ARHGAP35: variants seen among roughly 807,000 people sequenced by gnomAD.
ARHGAP35 encodes the protein rho GTPase-activating protein 35.
Under a neutral mutation model 111.1 loss-of-function variants are expected in ARHGAP35, and 15 were observed. The observed-to-expected ratio is 0.13, with a 90% CI of 0.09 to 0.21. The LOEUF is 0.21. ARHGAP35 is among the 10% of genes least tolerant of loss of function. ARHGAP35 has a pLI of 1.00. For synonymous variants in ARHGAP35, 643 were observed against 710.3 expected (o/e 0.91, Z 1.51); for missense variants, 1,262 against 1,873.0 (o/e 0.67, Z 6.02).
At chr19:46,953,712 A>G (rs918437661) in intron 3 of ARHGAP35, among the ~76,000 whole-genome samples, 1 of 152,126 alleles carries the variant, frequency 6.6e-6, no homozygotes, top group Non-Finnish European at 1.5e-5. Context: ...TCATACTTGA[A>G]AGGGTAGAGT....
intron 3 of ARHGAP35, among the ~76,000 whole-genome samples, chr19:46,953,675 C>T (rs985942171): frequency 3.3e-5 from 5 of 152,158 alleles, no homozygotes; most frequent in African/African-American, 4.8e-5. Context: ...CCCATATTGC[C>T]GGCATGGGTT....
At chr19:46,925,470 G>A (rs964488639) in intron 2 of ARHGAP35, among the ~76,000 whole-genome samples, 3 of 152,120 alleles carry the variant, frequency 2.0e-5, no homozygotes, top group Non-Finnish European at 4.4e-5. Context: ...TGGAGGGAGG[G>A]GGCAGCTAGG....
rs2056766604 is a variant in ARHGAP35 at position 47,004,718 on chromosome 19, T to A, written c.*4030T>A. On this transcript the variant is annotated 3_prime_UTR_variant, in exon 7 of 7. Coordinates refer to ENST00000672722, the MANE Select transcript of ARHGAP35 (RefSeq NM_004491.5). ...AGTAGTCTGGCTGTGTGCCCAAAATTCTGTTTCGCAGCAAAAGTGAAGACC... is the reference window on the plus strand; with the variant it reads ...AGTAGTCTGGCTGTGTGCCCAAAATACTGTTTCGCAGCAAAAGTGAAGACC... The A allele has an allele frequency of 6.6e-6, 1 of 152,640 alleles. No homozygotes were observed. The allele number at this position is 152,640 out of a possible 1,614,324, so 9.5% of individuals were successfully genotyped here. A position where few individuals can be genotyped will look rare whatever the true frequency, so the allele number is the denominator to read the frequency against.
chr19:46,964,446 T>TG (rs1225099621), intron 3 of ARHGAP35, among the ~76,000 whole-genome samples: 2 of 150,116 alleles, frequency 1.3e-5, no homozygotes, highest in South Asian at 2.1e-4. Context: ...TTCGTAGAGA[T>TG]GGGGTCTCAC....
At chr19:46,970,505 AT>A (rs1438213211) in intron 3 of ARHGAP35, among the ~76,000 whole-genome samples, 3 of 152,148 alleles carry the variant, frequency 2.0e-5, no homozygotes, top group Non-Finnish European at 2.9e-5. Context: ...TACTGCGGAA[AT>A]TTTGTGTGTG....
chr19:46,983,532 A>G (rs2056632293), intron 3 of ARHGAP35, among the ~76,000 whole-genome samples: 1 of 148,588 alleles, frequency 6.7e-6, no homozygotes, highest in Non-Finnish European at 1.5e-5. Flanking sequence ...ATTCTGGTCT[A>G]TTTCAATGAA....
At chr19:46,907,396 C>A (rs927607161) in intron 1 of ARHGAP35, among the ~76,000 whole-genome samples, 2 of 151,830 alleles carry the variant, frequency 1.3e-5, no homozygotes, top group Admixed American at 6.6e-5. Context: ...GTGATCCGCC[C>A]GCCTCGGCCT....
intron 3 of ARHGAP35, among the ~76,000 whole-genome samples, chr19:46,944,242 T>C (rs1022704225): frequency 6.8e-6 from 1 of 145,998 alleles, no homozygotes; most frequent in Non-Finnish European, 1.5e-5. Flanking sequence ...GAGGTTACAG[T>C]AAGCTGAGAT....
chr19:46,899,782 G>A (rs1340416529), intron 1 of ARHGAP35, among the ~76,000 whole-genome samples: 1 of 152,038 alleles, frequency 6.6e-6, no homozygotes, highest in Non-Finnish European at 1.5e-5. Context: ...TTTGAGCTGG[G>A]ATAGACCAAT....
At chr19:46,862,692 C>G (rs74461049) in intron 1 of ARHGAP35, among the ~76,000 whole-genome samples, 1 of 152,182 alleles carries the variant, frequency 6.6e-6, no homozygotes, top group East Asian at 1.9e-4. Flanking sequence ...TTTTTAACTT[C>G]TGTATTGCCG....
intron 1 of ARHGAP35, among the ~76,000 whole-genome samples, chr19:46,891,155 A>G (rs2056021591): frequency 6.6e-6 from 1 of 152,206 alleles, no homozygotes; most frequent in Non-Finnish European, 1.5e-5. Flanking sequence ...GATGTACAAA[A>G]TGGGGATATA....
In ARHGAP35 at chr19:46,989,675, A is replaced by C. The variant is rs1366177062; in HGVS notation, c.4036A>C (p.Lys1346Gln). ...NMQIDLVEAH[K>Q]INDREQKLHA... ...GCAGATCGACTTGGTGGAAGCACAC[A>C]GTGAGTACCGGCAGCCCAGTGTTGG... The change falls in exon 5 of 7, where the codon AAA (lysine) becomes CAA (glutamine). Residue 1346 changes from lysine to glutamine, a missense_variant and splice_region_variant. Around this residue, in one of 8 missense-constraint regions of ARHGAP35, gnomAD observed 50 missense variants for 60.5 expected, o/e 0.83. Coordinates refer to ENST00000672722, the MANE Select transcript of ARHGAP35 (RefSeq NM_004491.5). The surrounding 1 kb of genome is among the most constrained non-coding windows in gnomAD (Gnocchi z 5.3). 3 of 1,613,766 alleles carry C rather than the reference A, an allele frequency of 1.9e-6. No homozygotes were observed. Among genetic ancestry groups the C allele is most frequent in the Non-Finnish European group, 2.5e-6 (3 of 1,179,828 alleles).
Position 46,937,244 on chromosome 19 carries a change from C to G in ARHGAP35, c.3682-20C>G. 6.2e-7 allele frequency: 1 copy of G among 1,612,934 alleles called. No homozygotes were observed. The highest frequency in any genetic ancestry group is 8.5e-7 in the Non-Finnish European group (1 of 1,179,404). ...GATACTCACTTTGTTTTTGTGCTTC[C>G]CTTTCTCTTTCCTGGACAGAAACCA... On this transcript the variant is annotated intron_variant, in intron 2 of 6. Coordinates refer to ENST00000672722, the MANE Select transcript of ARHGAP35 (RefSeq NM_004491.5).
intron 3 of ARHGAP35, among the ~76,000 whole-genome samples, chr19:46,951,608 A>G (rs975068619): frequency 6.6e-6 from 1 of 152,212 alleles, no homozygotes; most frequent in African/African-American, 2.4e-5. Flanking sequence ...ACTTTGAGTC[A>G]TGAGATGATT....
chr19:46,920,328 G>A lies in ARHGAP35; in HGVS notation c.1653G>A (p.Val551=), dbSNP rs953648635. 6.8e-6 allele frequency: 11 copies of A among 1,613,870 alleles called. No homozygotes were observed. In the Admixed American group the frequency reaches 8.3e-5, roughly 12 times the overall value. The part of the protein sequence containing the change: ...DALILKHIHF[V]YHPTKETCPS... ...TTATTCTGAAACACATTCATTTTGTGTACCACCCAACAAAGGAGACATGCC... is the reference window on the plus strand; with the variant it reads ...TTATTCTGAAACACATTCATTTTGTATACCACCCAACAAAGGAGACATGCC... Residue 551 remains valine, a synonymous_variant, in exon 2 of 7, where the codon GTG becomes GTA. Coordinates refer to ENST00000672722, the MANE Select transcript of ARHGAP35 (RefSeq NM_004491.5). The surrounding 1 kb of genome is among the most constrained non-coding windows in gnomAD (Gnocchi z 7.0).
chr19:47,001,025 C>A lies in ARHGAP35; in HGVS notation c.*337C>A. On this transcript the variant is annotated 3_prime_UTR_variant, in exon 7 of 7. Coordinates refer to ENST00000672722, the MANE Select transcript of ARHGAP35 (RefSeq NM_004491.5). This position sits in a 1 kb window ranked among gnomAD's most constrained non-coding sequence, Gnocchi z 5.4. ...GTGCCTCCCTCTGCTTGTACAGAGC[C>A]CATGGTCGGGACAGTGCCCTGGCCT... 1 of 1,438,176 alleles carries A rather than the reference C, an allele frequency of 7.0e-7. No individual in the cohort carries two copies. Among genetic ancestry groups the A allele is most frequent in the Non-Finnish European group, 9.2e-7 (1 of 1,084,076 alleles). 89.1% of individuals were successfully genotyped at this position (1,438,176 alleles called of 1,614,324 possible).
chr19:46,896,957 G>A (rs945481848), intron 1 of ARHGAP35, among the ~76,000 whole-genome samples: 3 of 151,796 alleles, frequency 2.0e-5, no homozygotes, highest in Admixed American at 1.3e-4. Context: ...GCATTGGCGC[G>A]ATCTTAGCTC....
intron 3 of ARHGAP35, among the ~76,000 whole-genome samples, chr19:46,952,068 G>A (rs2056416116): frequency 6.6e-6 from 1 of 152,198 alleles, no homozygotes; most frequent in African/African-American, 2.4e-5. Context: ...ACTGCAAGAT[G>A]TGAAATGTTG....
intron 1 of ARHGAP35, among the ~76,000 whole-genome samples, chr19:46,891,308 CAGA>C (rs1204785499): frequency 3.3e-5 from 5 of 152,038 alleles, no homozygotes; most frequent in Non-Finnish European, 4.4e-5. Context: ...TTATGTTGTG[CAGA>C]AGAAGGAGTA....
Sources: gnomAD v4.1 joint callset for allele counts (sites outside exome capture counted in the v4.1 genomes callset) on GRCh38, gnomAD v4.1.1 for gene constraint, gnomAD v4.1.1 regional missense constraint, Gnocchi (gnomAD v3.1) non-coding constraint, MANE v1.5 for transcripts, NCBI Gene and HGNC (gene_info 2026-07-23, HGNC 2026-07-21) for gene names.